Variants in DOCK5 observed in about 807,000 individuals in gnomAD.
DOCK5 encodes dedicator of cytokinesis 5.
In DOCK5, 142 loss-of-function variants were observed where a neutral mutation model predicts 251.8. The observed-to-expected ratio is 0.56, with a 90% CI of 0.49 to 0.65. The LOEUF (loss-of-function observed/expected upper bound fraction) is 0.65, where lower values mean the gene tolerates loss of function less well. Among genes scored for constraint, DOCK5 ranks in the 30% least tolerant of loss-of-function variants. The pLI is 0.00. For synonymous variants in DOCK5, 842 were observed against 835.5 expected (o/e 1.01, Z -0.13); for missense variants, 2,111 against 2,312.3 (o/e 0.91, Z 1.79).
chr8:25,323,772 A>G, intron 16 of DOCK5, 76 bp from the exon 17 acceptor site: 1 of 1,516,780 alleles, frequency 6.6e-7, no homozygotes, highest in South Asian at 1.2e-5. Flanking sequence ...CCCCGAGCAA[A>G]ATGTGAAATC....
In DOCK5 at chr8:25,367,402, C is replaced by T. The variant is rs535532526; in HGVS notation, c.3224+432C>T. On this transcript the variant is annotated intron_variant, in intron 31 of 51. Transcript: ENST00000276440. ...TCAGACATTGCATTAAAATGCCCTCCAGATTCCTGGTTTGGAATTCAAAAT... is the reference window on the plus strand; with the variant it reads ...TCAGACATTGCATTAAAATGCCCTCTAGATTCCTGGTTTGGAATTCAAAAT... Among the ~76,000 whole-genome samples, 3 of 152,308 alleles carry T rather than the reference C, an allele frequency of 2.0e-5. No homozygotes were observed. In the South Asian group the frequency reaches 6.2e-4, roughly 32 times the overall value.
chr8:25,217,281 A>G (rs1248946668), intron 1 of DOCK5, among the ~76,000 whole-genome samples: 3 of 151,360 alleles, frequency 2.0e-5, no homozygotes, highest in Non-Finnish European at 2.9e-5. Context: ...ATATATATGC[A>G]TATATACACA....
chr8:25,278,208 A>G (rs1055884020), intron 4 of DOCK5, among the ~76,000 whole-genome samples: 1 of 152,110 alleles, frequency 6.6e-6, no homozygotes, highest in Non-Finnish European at 1.5e-5. Context: ...AGCCTCCCAA[A>G]TGAAACAGCT....
At chr8:25,380,998 C>T (rs867959194) in intron 39 of DOCK5, among the ~76,000 whole-genome samples, 3 of 150,778 alleles carry the variant, frequency 2.0e-5, no homozygotes, top group Non-Finnish European at 4.4e-5. Context: ...AATGCCCCAG[C>T]GGTAGGCAGA....
At chr8:25,290,204 C>T (rs1804451451) in intron 5 of DOCK5, among the ~76,000 whole-genome samples, 1 of 152,104 alleles carries the variant, frequency 6.6e-6, no homozygotes, top group East Asian at 1.9e-4. Flanking sequence ...AAAATGAAGA[C>T]ATCAATCATT....
chr8:25,194,623 C>T (rs577634631), intron 1 of DOCK5, among the ~76,000 whole-genome samples: 2 of 152,218 alleles, frequency 1.3e-5, no homozygotes, highest in African/African-American at 2.4e-5. Flanking sequence ...AGACCCCTTC[C>T]CTGTGCTTCG....
At chr8:25,202,018 A>ATT (rs943066141) in intron 1 of DOCK5, among the ~76,000 whole-genome samples, 18 of 151,792 alleles carry the variant, frequency 1.2e-4, no homozygotes, top group African/African-American at 4.4e-4. Flanking sequence ...ATATATATAT[A>ATT]TTTTTTTCTT....
chr8:25,197,347 G>T (rs1801755598), intron 1 of DOCK5, among the ~76,000 whole-genome samples: 2 of 152,212 alleles, frequency 1.3e-5, no homozygotes, highest in Admixed American at 6.5e-5. Context: ...TTGTCTGAAT[G>T]CTGGCAGCCA....
intron 44 of DOCK5, 113 bp from the exon 45 acceptor site, chr8:25,395,429 CT>C: frequency 8.3e-7 from 1 of 1,201,550 alleles, no homozygotes; most frequent in Non-Finnish European, 1.2e-6. Context: ...CAAATCTTCC[CT>C]TTTCTATAGC....
chr8:25,384,485 T>C (rs1801129624), intron 40 of DOCK5, among the ~76,000 whole-genome samples: 1 of 147,378 alleles, frequency 6.8e-6, no homozygotes, highest in African/African-American at 2.5e-5. Flanking sequence ...TTTGAGACAG[T>C]GTCTCGCTCT....
At chr8:25,219,015 T>C (rs1011884539) in intron 1 of DOCK5, among the ~76,000 whole-genome samples, 1 of 152,218 alleles carries the variant, frequency 6.6e-6, no homozygotes, top group Admixed American at 6.5e-5. Context: ...TTGGTATTCA[T>C]ATTGATGACT....
chr8:25,361,746 C>T (rs1016590001), intron 28 of DOCK5, among the ~76,000 whole-genome samples: 1 of 152,044 alleles, frequency 6.6e-6, no homozygotes, highest in Non-Finnish European at 1.5e-5. Context: ...TCCACAGTTG[C>T]ACACACACAC....
intron 28 of DOCK5, among the ~76,000 whole-genome samples, chr8:25,359,499 C>T (rs1800638568): frequency 1.3e-5 from 2 of 152,298 alleles, no homozygotes; most frequent in South Asian, 2.1e-4. Context: ...ACAACTGGTC[C>T]GTGTGGCCTG....
Position 25,210,046 on chromosome 8 carries a change from G to GAA in DOCK5, c.43+25095_43+25096insAA. ...TATATATATATATAAATGTGTGTGTGTGTGTGTGTGTGTGTGTGTGTGTAT... is the reference window on the plus strand; with the variant it reads ...TATATATATATATAAATGTGTGTGTGAATGTGTGTGTGTGTGTGTGTGTGTAT... On this transcript the variant is annotated intron_variant, in intron 1 of 51. Coordinates refer to ENST00000276440, the MANE Select transcript of DOCK5 (RefSeq NM_024940.8). Among the ~76,000 whole-genome samples, 24 of 21,474 alleles carry GAA rather than the reference G, an allele frequency of 1.1e-3. 8 individuals are homozygous for GAA. The highest frequency in any genetic ancestry group is 3.4e-3 in the African/African-American group (16 of 4,728). The allele number at this position is 21,474 out of a possible 152,430, so 14.1% of individuals were successfully genotyped here.
At chr8:25,372,791 G>A (rs1800897399) in intron 35 of DOCK5, 73 bp downstream of exon 35, 2 of 1,460,724 alleles carry the variant, frequency 1.4e-6, no homozygotes, top group East Asian at 2.6e-5. Context: ...TCAGCTCTAG[G>A]TAGATCCCAC....
intron 12 of DOCK5, among the ~76,000 whole-genome samples, chr8:25,309,619 A>C (rs768506497): frequency 6.6e-6 from 1 of 152,264 alleles, no homozygotes; most frequent in Non-Finnish European, 1.5e-5. Context: ...AATATGTATT[A>C]ATACAAAATA....
At chr8:25,274,286 A>G (rs1342555183) in intron 3 of DOCK5, among the ~76,000 whole-genome samples, 1 of 114,498 alleles carries the variant, frequency 8.7e-6, no homozygotes, top group Non-Finnish European at 1.9e-5. Flanking sequence ...CTGACATGTC[A>G]TGTTCATGGA....
At chr8:25,384,486 G>T (rs1801129696) in intron 40 of DOCK5, among the ~76,000 whole-genome samples, 2 of 97,480 alleles carry the variant, frequency 2.1e-5, no homozygotes, top group Non-Finnish European at 2.3e-5. Flanking sequence ...TTGAGACAGT[G>T]TCTCGCTCTG....
intron 22 of DOCK5, among the ~76,000 whole-genome samples, chr8:25,340,528 C>T (rs1440284764): frequency 6.6e-6 from 1 of 152,206 alleles, no homozygotes; most frequent in Non-Finnish European, 1.5e-5. Context: ...GTGGACAGAT[C>T]TTTTGGAGAC....
Sources: gnomAD v4.1 joint callset for allele counts (sites outside exome capture counted in the v4.1 genomes callset) on GRCh38, gnomAD v4.1.1 for gene constraint, MANE v1.5 for transcripts, NCBI Gene and HGNC (gene_info 2026-07-23, HGNC 2026-07-21) for gene names.